DPYSL5: variants seen among roughly 807,000 people sequenced by gnomAD.
DPYSL5 encodes the protein dihydropyrimidinase-related protein 5.
DPYSL5 carries 9 observed loss-of-function variants against 58.4 expected under a neutral mutation model. The ratio of observed to expected loss-of-function variants is 0.15; its 90% CI spans 0.09 to 0.27. The LOEUF (loss-of-function observed/expected upper bound fraction) is 0.27. DPYSL5 is among the 10% of genes least tolerant of loss of function. The pLI, the probability that DPYSL5 is intolerant of heterozygous loss-of-function variation, is 1.00. For missense variants in DPYSL5, 499 were observed against 770.6 expected, an observed-to-expected ratio of 0.65 and a Z score of 4.17; for synonymous variants, 293 against 301.9, an observed-to-expected ratio of 0.97 and a Z score of 0.31.
At chr2:26,882,107 A>AG (rs1181399275) in intron 1 of DPYSL5, among the ~76,000 whole-genome samples, 5 of 129,286 alleles carry the variant, frequency 3.9e-5, no homozygotes, top group Non-Finnish European at 8.8e-5. Flanking sequence ...AAAAAAAAAA[A>AG]AAAAAGAAAG....
At chr2:26,893,962 C>T (rs1663951878) in intron 1 of DPYSL5, among the ~76,000 whole-genome samples, 1 of 151,670 alleles carries the variant, frequency 6.6e-6, no homozygotes, top group Admixed American at 6.6e-5. Flanking sequence ...TAAATATTTT[C>T]TGTTCAGATA....
chr2:26,882,967 G>A (rs1440765483), intron 1 of DPYSL5, among the ~76,000 whole-genome samples: 2 of 151,248 alleles, frequency 1.3e-5, no homozygotes, highest in Non-Finnish European at 2.9e-5. Context: ...AATTAGGGGG[G>A]CAGAAATCCC....
In DPYSL5 at chr2:26,927,203, C is replaced by T; in HGVS notation, c.421-50C>T. The T allele has an allele frequency of 6.4e-7, 1 of 1,566,388 alleles. No homozygotes were observed. The highest frequency in any genetic ancestry group is 1.7e-4 in the Middle Eastern group (1 of 5,908). On this transcript the variant is annotated intron_variant, in intron 3 of 12. Transcript: ENST00000288699. The surrounding 1 kb of genome is among the most constrained non-coding windows in gnomAD (Gnocchi z 4.3). ...GCTGGGCCGGTGCCTGCCAGTCGGCCTCTTGGGTGTCTGCCCTCACGCAGC... is the reference window on the plus strand; with the variant it reads ...GCTGGGCCGGTGCCTGCCAGTCGGCTTCTTGGGTGTCTGCCCTCACGCAGC...
At chr2:26,929,873 C>T (rs62130475) in intron 5 of DPYSL5, among the ~76,000 whole-genome samples, 1 of 152,246 alleles carries the variant, frequency 6.6e-6, no homozygotes, top group Non-Finnish European at 1.5e-5. Context: ...AGACGAATAA[C>T]GCATTCCTGC....
At chr2:26,854,621 C>A (rs1389167705) in intron 1 of DPYSL5, among the ~76,000 whole-genome samples, 1 of 152,160 alleles carries the variant, frequency 6.6e-6, no homozygotes, top group Non-Finnish European at 1.5e-5. Flanking sequence ...AAATGCTGCA[C>A]CTTACCTTGT....
chr2:26,936,172 G>T (rs1216037360), intron 8 of DPYSL5, among the ~76,000 whole-genome samples: 2 of 152,166 alleles, frequency 1.3e-5, no homozygotes, highest in Non-Finnish European at 2.9e-5. Flanking sequence ...GGAATGCCAG[G>T]ACTCTCCATC....
chr2:26,919,786 TGTC>T, intron 2 of DPYSL5, among the ~76,000 whole-genome samples: 2 of 152,226 alleles, frequency 1.3e-5, no homozygotes, highest in African/African-American at 4.8e-5. Flanking sequence ...TTCCTGGCAG[TGTC>T]CACCTAGAAT....
rs1553321123 is a variant in DPYSL5, at chr2:26,932,189, A to AAGAAAGAAAGAC, written c.714+516_714+517insCAGAAAGAAAGA. 1.9e-3 allele frequency among the ~76,000 whole-genome samples: 138 copies of AAGAAAGAAAGAC among 72,152 alleles called. 1 individual carries two copies. Among genetic ancestry groups the AAGAAAGAAAGAC allele is most frequent in the African/African-American group, 4.7e-3 (94 of 20,160 alleles). 47.3% of individuals were successfully genotyped at this position (72,152 alleles called of 152,430 possible). A position where few individuals can be genotyped will look rare whatever the true frequency, so the allele number is the denominator to read the frequency against. On this transcript the variant is annotated intron_variant, in intron 6 of 12. Coordinates refer to ENST00000288699, the MANE Select transcript of DPYSL5 (RefSeq NM_020134.4). The stretch of plus-strand genomic sequence containing the variant: ...AAAGAAAGAAAGAAAGAAAGAAAGA[A>AAGAAAGAAAGAC]AGAAAGAAAGAAAGAAAGAAAAGAA...
At position 26,927,333 on chromosome 2, in the gene DPYSL5, C is replaced by T; in HGVS notation, c.501C>T (p.Tyr167=). The change falls in exon 4 of 13, where the codon TAC becomes TAT. Residue 167 remains tyrosine (Y), a synonymous_variant. Coordinates refer to ENST00000288699, the MANE Select transcript of DPYSL5 (RefSeq NM_020134.4). The surrounding 1 kb of genome is among the most constrained non-coding windows in gnomAD (Gnocchi z 4.3). Reference sequence around the variant, plus strand: ...TGTTCATGACCTACAAGGACCTGTACATGCTTCGAGACAGTGAGCTGTACC... The same window carrying T: ...TGTTCATGACCTACAAGGACCTGTATATGCTTCGAGACAGTGAGCTGTACC... The part of the protein sequence containing the change: ...FQMFMTYKDL[Y]MLRDSELYQV... The T allele has an allele frequency of 6.2e-7, 1 of 1,614,220 alleles. No individual in the cohort carries two copies. Among genetic ancestry groups the T allele is most frequent in the Non-Finnish European group, 8.5e-7 (1 of 1,180,038 alleles).
intron 1 of DPYSL5, among the ~76,000 whole-genome samples, chr2:26,853,921 T>C (rs1665815989): frequency 6.6e-6 from 1 of 151,868 alleles, no homozygotes; most frequent in Non-Finnish European, 1.5e-5. Context: ...ATGCCTGTGG[T>C]CCCAGCTACT....
intron 1 of DPYSL5, among the ~76,000 whole-genome samples, chr2:26,887,614 TC>T (rs1324880289): frequency 6.6e-6 from 1 of 152,232 alleles, no homozygotes. Context: ...GCAAGATGCT[TC>T]CTATGCAGTT....
chr2:26,937,959 G>A (rs775089061), intron 8 of DPYSL5, among the ~76,000 whole-genome samples: 1 of 152,044 alleles, frequency 6.6e-6, no homozygotes, highest in Non-Finnish European at 1.5e-5. Context: ...ACCCGCCTCG[G>A]CCTCCCAAAA....
intron 1 of DPYSL5, among the ~76,000 whole-genome samples, chr2:26,861,900 G>A (rs1227458448): frequency 6.6e-6 from 1 of 152,160 alleles, no homozygotes; most frequent in Non-Finnish European, 1.5e-5. Context: ...TATCTTGCTA[G>A]CAAACTCCTT....
chr2:26,931,199 G>GTTTATATATATATATATA, intron 5 of DPYSL5, among the ~76,000 whole-genome samples: 1 of 52,878 alleles, frequency 1.9e-5, no homozygotes, highest in African/African-American at 6.1e-5. Context: ...GTGTGTGTGT[G>GTTTATATATATATATATA]TGTGTATATA....
intron 1 of DPYSL5, among the ~76,000 whole-genome samples, chr2:26,878,329 A>G (rs775329216): frequency 1.8e-4 from 27 of 151,764 alleles, no homozygotes; most frequent in Non-Finnish European, 3.2e-4. Context: ...TCCTTTGCCT[A>G]TTTTTTTATT....
intron 3 of DPYSL5, among the ~76,000 whole-genome samples, chr2:26,926,561 C>T (rs1196517146): frequency 6.6e-6 from 1 of 152,142 alleles, no homozygotes; most frequent in Non-Finnish European, 1.5e-5. Context: ...TCCAGTAACC[C>T]CCAGCACCAT....
rs141000442 is a variant in DPYSL5 at position 26,890,014 on chromosome 2, G to A, written c.-4-8482G>A. Among the ~76,000 whole-genome samples the A allele has an allele frequency of 4.1e-3, 630 of 152,262 alleles. 4 individuals carry two copies. The highest frequency in any genetic ancestry group is 0.015 in the African/African-American group (615 of 41,538). On this transcript the variant is annotated intron_variant, in intron 1 of 12. Coordinates refer to ENST00000288699, the MANE Select transcript of DPYSL5 (RefSeq NM_020134.4). ...GGATTGGACGGGGTTAGCATCTTGG[G>A]GACTTAGGCTACTTGGAAGGGTAGG...
At chr2:26,919,783 C>T (rs938525583) in intron 2 of DPYSL5, among the ~76,000 whole-genome samples, 1 of 152,174 alleles carries the variant, frequency 6.6e-6, no homozygotes, top group Non-Finnish European at 1.5e-5. Context: ...TGCTTCCTGG[C>T]AGTGTCCACC....
intron 1 of DPYSL5, among the ~76,000 whole-genome samples, chr2:26,853,225 C>T (rs751259602): frequency 2.0e-5 from 3 of 152,070 alleles, no homozygotes; most frequent in Admixed American, 1.3e-4. Flanking sequence ...GTTAGGCTGG[C>T]GTGGCTGGTG....
Sources: allele counts gnomAD v4.1 joint callset (sites outside exome capture counted in the v4.1 genomes callset), GRCh38; gene constraint gnomAD v4.1.1; non-coding constraint Gnocchi (gnomAD v3.1); transcripts MANE v1.5; gene names NCBI Gene and HGNC (gene_info 2026-07-23, HGNC 2026-07-21).